WAPL: variants seen among roughly 807,000 people sequenced by gnomAD.
WAPL encodes WAPL cohesin release factor.
WAPL carries 5 observed loss-of-function variants against 121.0 expected under a neutral mutation model. The ratio of observed to expected loss-of-function variants is 0.04; its 90% CI spans 0.02 to 0.09. The LOEUF (loss-of-function observed/expected upper bound fraction) is 0.09, where lower values mean the gene tolerates loss of function less well. Ranked by LOEUF, WAPL falls within the 10% of genes least tolerant of loss-of-function variation. The pLI is 1.00. For synonymous variants in WAPL, 480 were observed against 481.5 expected (o/e 1.00, Z 0.04); for missense variants, 999 against 1,410.8 (o/e 0.71, Z 4.68).
At chr10:86,471,150 A>C in intron 7 of WAPL, 47 bp from the exon 8 acceptor site, 1 of 1,529,556 alleles carries the variant, frequency 6.5e-7, no homozygotes, top group Non-Finnish European at 9.0e-7. Context: ...CAGCTAGTAC[A>C]TTAGTTTTGA....
intron 17 of WAPL, among the ~76,000 whole-genome samples, chr10:86,439,048 AG>A (rs1318060650): frequency 1.3e-5 from 2 of 152,198 alleles, no homozygotes; most frequent in South Asian, 2.1e-4. Context: ...CACAAGGTAA[AG>A]GGTTAAACAA....
In WAPL at chr10:86,451,001, C is replaced by A. The variant is rs577789528; in HGVS notation, c.3114+966G>T. ...GGGTAAGGGAACAGGTGACAAAGGA[C>A]TTCCAGTTTTCTGTGGTCCATAAGG... is the stretch of plus-strand genomic sequence containing the variant. On this transcript the variant is annotated intron_variant, in intron 15 of 18. Coordinates refer to ENST00000298767, the MANE Select transcript of WAPL (RefSeq NM_015045.5). Among the ~76,000 whole-genome samples the A allele has an allele frequency of 2.6e-5, 4 of 152,296 alleles. No individual in the cohort carries two copies. In the South Asian group the frequency reaches 8.3e-4, roughly 32 times the overall value.
At chr10:86,454,901 G>T (rs1441575828) in intron 12 of WAPL, among the ~76,000 whole-genome samples, 1 of 145,480 alleles carries the variant, frequency 6.9e-6, no homozygotes, top group South Asian at 2.2e-4. Context: ...CCGTCTGGGA[G>T]GTGAGGAGCG....
intron 2 of WAPL, among the ~76,000 whole-genome samples, chr10:86,511,794 G>A (rs1842468186): frequency 6.6e-6 from 1 of 152,096 alleles, no homozygotes; most frequent in Non-Finnish European, 1.5e-5. Flanking sequence ...AGCCCAGTGT[G>A]GTGGTGAACC....
intron 2 of WAPL, among the ~76,000 whole-genome samples, chr10:86,505,300 C>CGTTTTTTTTT (rs1842325818): frequency 2.2e-5 from 1 of 44,638 alleles, no homozygotes; most frequent in Non-Finnish European, 4.1e-5. Context: ...GTGCCCAACT[C>CGTTTTTTTTT]TTTTTTTTTT....
intron 4 of WAPL, among the ~76,000 whole-genome samples, chr10:86,486,129 T>C (rs1170040232): frequency 6.6e-6 from 1 of 152,220 alleles, no homozygotes; most frequent in Non-Finnish European, 1.5e-5. Context: ...TTTCTAGTAC[T>C]TGAGAATATA....
rs753961891 is a variant in WAPL at position 86,517,905 on chromosome 10, G to C, written c.165C>G (p.Ile55Met). 6.2e-6 allele frequency: 10 copies of C among 1,614,000 alleles called. No individual in the cohort carries two copies. The East Asian group carries it at 2.2e-4, about 36-fold the overall frequency. ...CTTTAGGTTTCTTCGGAATTTCTTGGATATCTGGTTTGAAATTGGGCCTCT... is the reference window on the plus strand; with the variant it reads ...CTTTAGGTTTCTTCGGAATTTCTTGCATATCTGGTTTGAAATTGGGCCTCT... ...GQKRPNFKPD[I>M]QEIPKKPKVE... The change falls in exon 2 of 19, where the codon ATC becomes ATG. Residue 55 changes from isoleucine to methionine, a missense_variant. By Grantham distance (10) the Ile-to-Met change is conservative. Around this residue, in one of 7 missense-constraint regions of WAPL, gnomAD observed 531 missense variants for 563.1 expected, o/e 0.94. Transcript: ENST00000298767.
chr10:86,518,147 G>A, intron 1 of WAPL, 56 bp from the exon 2 acceptor site: 2 of 1,483,242 alleles, frequency 1.3e-6, no homozygotes, highest in Non-Finnish European at 1.8e-6. Flanking sequence ...GTTAAACAGT[G>A]CATATAAAAA....
At chr10:86,469,414 G>A (rs890639632) in intron 8 of WAPL, among the ~76,000 whole-genome samples, 3 of 151,412 alleles carry the variant, frequency 2.0e-5, no homozygotes, top group Non-Finnish European at 2.9e-5. Context: ...CACCACGCCC[G>A]AGTAATTTTT....
chr10:86,478,057 G>GAA (rs768579639), intron 4 of WAPL, among the ~76,000 whole-genome samples: 5 of 123,590 alleles, frequency 4.0e-5, no homozygotes, highest in Non-Finnish European at 8.6e-5. Context: ...CTCTGTCTCG[G>GAA]AAAAAAAAAA....
chr10:86,444,906 A>AAG (rs1849567505), intron 16 of WAPL, among the ~76,000 whole-genome samples: 1 of 151,346 alleles, frequency 6.6e-6, no homozygotes, highest in South Asian at 2.1e-4. Flanking sequence ...AAAAAAAAAA[A>AAG]AAAAAAGAAA....
chr10:86,492,009 C>A (rs935629329), intron 4 of WAPL, among the ~76,000 whole-genome samples: 2 of 152,202 alleles, frequency 1.3e-5, no homozygotes, highest in African/African-American at 4.8e-5. Flanking sequence ...CTGACCAACA[C>A]TGCCCTATTT....
At chr10:86,458,831 T>C (rs1841208550) in intron 12 of WAPL, among the ~76,000 whole-genome samples, 158 bp downstream of exon 12, 2 of 152,248 alleles carry the variant, frequency 1.3e-5, no homozygotes, top group African/African-American at 4.8e-5. Context: ...CCAAAATCTG[T>C]ACTCTTAAAA....
At chr10:86,437,891 TC>T in intron 18 of WAPL, 28 bp downstream of exon 18, 3 of 1,501,628 alleles carry the variant, frequency 2.0e-6, no homozygotes, top group Non-Finnish European at 2.8e-6. Flanking sequence ...AAATTTAAAA[TC>T]ATATAAGCTG....
rs752127096 is a variant in WAPL, at chr10:86,500,015, T to C, written c.1228A>G (p.Thr410Ala). 13 of 1,614,012 alleles carry C rather than the reference T, an allele frequency of 8.1e-6. No individual in the cohort carries two copies. The highest frequency in any genetic ancestry group is 1.7e-5 in the Admixed American group (1 of 59,998). Residue 410 changes from threonine (T) to alanine (A), a missense_variant, in exon 3 of 19, where the codon ACT (threonine) becomes GCT (alanine). By Grantham distance (58) the Thr-to-Ala change is moderately conservative. Around this residue, in one of 7 missense-constraint regions of WAPL, gnomAD observed 531 missense variants for 563.1 expected, o/e 0.94. Coordinates refer to ENST00000298767, the MANE Select transcript of WAPL (RefSeq NM_015045.5). ...GTATTACTAGGTCGAAATCTAGTAG[T>C]AGTCTTAGAAGTTGCAATATCTGCC... Reference protein sequence around the residue: ...KKADIATSKTTTRFRPSNTKS... With the variant: ...KKADIATSKTATRFRPSNTKS...
chr10:86,473,283 T>C (rs751444412), intron 5 of WAPL, among the ~76,000 whole-genome samples: 2 of 152,238 alleles, frequency 1.3e-5, no homozygotes, highest in Non-Finnish European at 2.9e-5. Context: ...CTGTACATTA[T>C]ACTTTAGAAA....
chr10:86,507,945 A>G (rs1274179188), intron 2 of WAPL, among the ~76,000 whole-genome samples: 1 of 152,112 alleles, frequency 6.6e-6, no homozygotes, highest in East Asian at 1.9e-4. Flanking sequence ...CTATCTCTTC[A>G]TTCCACATGC....
At chr10:86,482,475 A>G (rs1841813777) in intron 4 of WAPL, among the ~76,000 whole-genome samples, 1 of 152,198 alleles carries the variant, frequency 6.6e-6, no homozygotes, top group Admixed American at 6.5e-5. Flanking sequence ...GAAGCAAAGG[A>G]CACACCTAGG....
chr10:86,468,621 T>A (rs1316070323), intron 8 of WAPL, among the ~76,000 whole-genome samples: 1 of 152,250 alleles, frequency 6.6e-6, no homozygotes, highest in Non-Finnish European at 1.5e-5. Context: ...TGTGTTTACA[T>A]CTGTATATAA....
Sources: allele counts gnomAD v4.1 joint callset (sites outside exome capture counted in the v4.1 genomes callset), GRCh38; gene constraint gnomAD v4.1.1; regional missense constraint gnomAD v4.1.1; transcripts MANE v1.5; gene names NCBI Gene and HGNC (gene_info 2026-07-23, HGNC 2026-07-21).